Variants in CDON observed in about 807,000 individuals in gnomAD.
The protein encoded by CDON is cell adhesion associated, oncogene regulated, also known as cell adhesion molecule-related/down-regulated by oncogenes.
In CDON, 73 loss-of-function variants were observed where a neutral mutation model predicts 120.9. The observed-to-expected ratio is 0.60, with a 90% CI of 0.50 to 0.73. CDON has a LOEUF of 0.73. Ranked by LOEUF, CDON falls within the 30% of genes least tolerant of loss-of-function variation. The pLI is 0.00. For synonymous variants in CDON, 566 were observed against 573.5 expected (o/e 0.99, Z 0.19); for missense variants, 1,470 against 1,587.3 (o/e 0.93, Z 1.26).
At position 126,027,922 on chromosome 11, in the gene CDON, T is replaced by C. The variant is rs200317214; in HGVS notation, c.-61-4385A>G. Among the ~76,000 whole-genome samples the C allele has an allele frequency of 6.6e-5, 10 of 151,470 alleles. No homozygotes were observed. The East Asian group carries it at 1.6e-3, about 24-fold the overall frequency. Reference sequence around the variant, plus strand: ...GTAAAAATTTAAAACAGAATTCTGATTTAAATCATGTCAGATAGAATAGAA... The same window carrying C: ...GTAAAAATTTAAAACAGAATTCTGACTTAAATCATGTCAGATAGAATAGAA... On this transcript the variant is annotated intron_variant, in intron 1 of 19. Transcript: ENST00000531738.
Position 125,981,966 on chromosome 11 carries a change from TTTTC to T in CDON, c.2996-641_2996-638del, listed in dbSNP as rs1340953503. Among the ~76,000 whole-genome samples the T allele has an allele frequency of 5.9e-5, 7 of 118,514 alleles. No homozygotes were observed. In the East Asian group the frequency reaches 1.2e-3, roughly 20 times the overall value. The allele number at this position is 118,514 out of a possible 152,430, so 77.7% of individuals were successfully genotyped here. A position where few individuals can be genotyped will look rare whatever the true frequency, so the allele number is the denominator to read the frequency against. ...GTACCAAAGGCAAAAAGTGATTCTA[TTTTC>T]TTTTTTTTTTTTTTTTTTTTTTTTT... is the stretch of plus-strand genomic sequence containing the variant. On this transcript the variant is annotated intron_variant, in intron 16 of 19. Coordinates refer to ENST00000531738, the MANE Select transcript of CDON (RefSeq NM_001378964.1).
intron 18 of CDON, 114 bp from the exon 19 acceptor site, chr11:125,962,112 G>T: frequency 1.2e-6 from 1 of 831,258 alleles, no homozygotes; most frequent in Non-Finnish European, 2.0e-6. Context: ...TTAAGAAAGA[G>T]TGATGCTTAA....
intron 8 of CDON, among the ~76,000 whole-genome samples, chr11:126,008,027 CA>C (rs1947178035): frequency 6.6e-6 from 1 of 152,102 alleles, no homozygotes; most frequent in South Asian, 2.1e-4. Context: ...ACTAATTAAA[CA>C]GGGAGGGAGT....
At chr11:126,010,824 C>G (rs1947281847) in intron 7 of CDON, 130 bp from the exon 8 acceptor site, 1 of 741,708 alleles carries the variant, frequency 1.3e-6, no homozygotes, top group Non-Finnish European at 2.4e-6. Flanking sequence ...CTTATTAGTT[C>G]CCTTCTCAAC....
chr11:125,973,925 C>T (rs563142898), intron 18 of CDON, among the ~76,000 whole-genome samples: 15 of 151,278 alleles, frequency 9.9e-5, no homozygotes, highest in Non-Finnish European at 1.6e-4. Context: ...GACAGAGTTT[C>T]GCTCTTGTTG....
chr11:125,991,364 AG>A (rs1162640420), intron 14 of CDON, among the ~76,000 whole-genome samples: 3 of 152,322 alleles, frequency 2.0e-5, no homozygotes, highest in Middle Eastern at 3.4e-3. Flanking sequence ...ATTTTCCCAA[AG>A]GATATTTTAG....
chr11:126,038,720 T>C (rs910578754), intron 1 of CDON, among the ~76,000 whole-genome samples: 8 of 152,144 alleles, frequency 5.3e-5, no homozygotes, highest in Non-Finnish European at 7.4e-5. Context: ...AACTATTTAG[T>C]TGCAAAGTGT....
At chr11:126,027,414 CT>C (rs1407926951) in intron 1 of CDON, among the ~76,000 whole-genome samples, 4 of 152,124 alleles carry the variant, frequency 2.6e-5, no homozygotes. Flanking sequence ...AAAGTACTAT[CT>C]TTATCAAAAA....
intron 9 of CDON, 139 bp downstream of exon 9, chr11:126,005,620 G>A (rs993029256): frequency 2.6e-6 from 2 of 781,214 alleles, no homozygotes; most frequent in African/African-American, 3.4e-5. Context: ...GCATGACTGG[G>A]ATCTCTCTGA....
chr11:125,995,723 C>T (rs751146467), intron 12 of CDON, among the ~76,000 whole-genome samples: 2 of 152,202 alleles, frequency 1.3e-5, no homozygotes, highest in Non-Finnish European at 2.9e-5. Context: ...AATTACTGAG[C>T]TTCTGAAGAC....
At chr11:125,985,345 T>C (rs1244009840) in intron 15 of CDON, among the ~76,000 whole-genome samples, 2 of 152,184 alleles carry the variant, frequency 1.3e-5, no homozygotes, top group African/African-American at 4.8e-5. Flanking sequence ...GGATAATTTT[T>C]TTGATATTTT....
chr11:126,023,384 C>G lies in CDON; in HGVS notation c.76+17G>C, dbSNP rs1359726684. On this transcript the variant is annotated intron_variant, in intron 2 of 19. Transcript: ENST00000531738. ...TGAGTAAAGGCCAAACCACCCCCTC[C>G]CCAATTCTACTCTTACCTGAACTCA... 6.4e-7 allele frequency: 1 copy of G among 1,556,788 alleles called. No homozygotes were observed. The highest frequency in any genetic ancestry group is 8.9e-7 in the Non-Finnish European group (1 of 1,127,616).
chr11:126,024,632 A>G (rs1947738308), intron 1 of CDON, among the ~76,000 whole-genome samples: 1 of 152,238 alleles, frequency 6.6e-6, no homozygotes, highest in Non-Finnish European at 1.5e-5. Flanking sequence ...TGAGCTATCT[A>G]TTAGACATCC....
At chr11:126,061,675 C>A (rs1328919154) in intron 1 of CDON, among the ~76,000 whole-genome samples, 1 of 152,222 alleles carries the variant, frequency 6.6e-6, no homozygotes, top group Non-Finnish European at 1.5e-5. Flanking sequence ...GAAAATAAAT[C>A]TCATGTGAGC....
At chr11:126,055,998 C>G (rs1171613246) in intron 1 of CDON, among the ~76,000 whole-genome samples, 4 of 152,178 alleles carry the variant, frequency 2.6e-5, no homozygotes. Flanking sequence ...ATATTTCCTA[C>G]CTCCAAAATC....
At chr11:125,987,049 G>T (rs1048889116) in intron 15 of CDON, among the ~76,000 whole-genome samples, 1 of 152,172 alleles carries the variant, frequency 6.6e-6, no homozygotes, top group African/African-American at 2.4e-5. Flanking sequence ...TGGATATTCC[G>T]TATCATATAT....
chr11:126,014,974 AAGAG>A (rs985589416), intron 7 of CDON: 1 of 466,304 alleles, frequency 2.1e-6, no homozygotes, highest in African/African-American at 2.0e-5. Context: ...GAATAAGAGT[AAGAG>A]AGAGATTGTA....
Position 126,050,495 on chromosome 11 carries a change from A to AACACAC in CDON, c.-62+12078_-62+12083dup, listed in dbSNP as rs10643446. 8.3e-3 allele frequency among the ~76,000 whole-genome samples: 1,181 copies of AACACAC among 143,086 alleles called. 14 individuals carry two copies. The highest frequency in any genetic ancestry group is 0.018 in the African/African-American group (675 of 38,210). The allele number at this position is 143,086 out of a possible 152,430, so 93.9% of individuals were successfully genotyped here. A position where few individuals can be genotyped will look rare whatever the true frequency, so the allele number is the denominator to read the frequency against. ...TCTCATACATTTCCTGTAAGTAGCA[A>AACACAC]ACACACACACACACACACACACACA... On this transcript the variant is annotated intron_variant, in intron 1 of 19. Coordinates refer to ENST00000531738, the MANE Select transcript of CDON (RefSeq NM_001378964.1).
At chr11:126,059,933 A>T (rs1948757120) in intron 1 of CDON, among the ~76,000 whole-genome samples, 1 of 143,916 alleles carries the variant, frequency 6.9e-6, no homozygotes, top group Non-Finnish European at 1.5e-5. Flanking sequence ...TTGAAGGATT[A>T]AAAAAAAAAA....
Sources: gnomAD v4.1 joint callset for allele counts (sites outside exome capture counted in the v4.1 genomes callset) on GRCh38, gnomAD v4.1.1 for gene constraint, MANE v1.5 for transcripts, NCBI Gene and HGNC (gene_info 2026-07-23, HGNC 2026-07-21) for gene names.